The following ATP9A variants were observed in gnomAD, a reference collection of about 807,000 sequenced individuals.
The protein encoded by ATP9A is ATPase phospholipid transporting 9A, also known as probable phospholipid-transporting ATPase IIA.
A neutral mutation model predicts 144.1 loss-of-function variants in ATP9A; 52 were observed. The ratio of observed to expected loss-of-function variants is 0.36; its 90% CI spans 0.29 to 0.45. ATP9A has a LOEUF of 0.45. Ranked by LOEUF, ATP9A falls within the 20% of genes least tolerant of loss-of-function variation. ATP9A has a pLI of 1.00. For synonymous variants in ATP9A, 582 were observed against 557.4 expected (o/e 1.04, Z -0.62); for missense variants, 947 against 1,392.7 (o/e 0.68, Z 5.09).
intron 14 of ATP9A, among the ~76,000 whole-genome samples, chr20:51,647,911 C>T (rs2077348378): frequency 6.6e-6 from 1 of 152,144 alleles, no homozygotes; most frequent in Admixed American, 6.5e-5. Flanking sequence ...CTCAAACAGC[C>T]CCCGCTGTCT....
intron 22 of ATP9A, among the ~76,000 whole-genome samples, chr20:51,616,937 A>G (rs979395265): frequency 8.6e-5 from 12 of 140,102 alleles, no homozygotes; most frequent in African/African-American, 3.3e-4. Flanking sequence ...GAATATAGAG[A>G]AACTTTTTTT....
intron 1 of ATP9A, among the ~76,000 whole-genome samples, chr20:51,760,886 G>C (rs1266292381): frequency 6.6e-6 from 1 of 152,050 alleles, no homozygotes; most frequent in Admixed American, 6.6e-5. Flanking sequence ...AGCTGGGCGT[G>C]GTGGTGGCGC....
At chr20:51,679,780 T>A (rs1261073083) in intron 9 of ATP9A, among the ~76,000 whole-genome samples, 5 of 152,218 alleles carry the variant, frequency 3.3e-5, no homozygotes, top group Non-Finnish European at 1.5e-5. Flanking sequence ...AGGGCTATTC[T>A]GTGACCCCTT....
At chr20:51,663,873 G>A (rs1281637396) in intron 13 of ATP9A, among the ~76,000 whole-genome samples, 5 of 151,558 alleles carry the variant, frequency 3.3e-5, no homozygotes, top group South Asian at 2.1e-4. Context: ...TAAGAAGAAC[G>A]CTCTCTGGCA....
intron 26 of ATP9A, among the ~76,000 whole-genome samples, chr20:51,606,981 A>G (rs2077166108): frequency 6.6e-6 from 1 of 150,708 alleles, no homozygotes; most frequent in Non-Finnish European, 1.5e-5. Context: ...TAGAAATACT[A>G]AAAAAGGATT....
intron 14 of ATP9A, among the ~76,000 whole-genome samples, chr20:51,651,880 G>A (rs949117399): frequency 2.6e-4 from 40 of 152,214 alleles, no homozygotes; most frequent in African/African-American, 9.4e-4. Flanking sequence ...AGTGAGCCAA[G>A]ATCACACCAC....
intron 4 of ATP9A, among the ~76,000 whole-genome samples, chr20:51,698,300 G>C (rs1340929393): frequency 6.6e-6 from 1 of 152,256 alleles, no homozygotes; most frequent in African/African-American, 2.4e-5. Flanking sequence ...GAAGCAGGCA[G>C]ATGGCTTGAG....
Position 51,694,115 on chromosome 20 carries a change from G to T in ATP9A, c.548-13C>A. ...AAGAAGCATGACCCTGTGGAAGGAA[G>T]TCGGGTGCCGTCACCTGCACCTCAA... is the stretch of plus-strand genomic sequence containing the variant. On this transcript the variant is annotated splice_polypyrimidine_tract_variant and intron_variant, in intron 6 of 27. Coordinates refer to ENST00000338821, the MANE Select transcript of ATP9A (RefSeq NM_006045.3). 1 of 1,610,778 alleles carries T rather than the reference G, an allele frequency of 6.2e-7. No homozygotes were observed.
chr20:51,610,429 C>G (rs940268209), intron 23 of ATP9A, among the ~76,000 whole-genome samples: 1 of 152,162 alleles, frequency 6.6e-6, no homozygotes, highest in Non-Finnish European at 1.5e-5. Flanking sequence ...AGTTCCTAAG[C>G]AGCAAATCTA....
intron 14 of ATP9A, among the ~76,000 whole-genome samples, chr20:51,645,373 A>G (rs932968676): frequency 1.3e-5 from 2 of 152,198 alleles, no homozygotes; most frequent in Non-Finnish European, 2.9e-5. Flanking sequence ...TACAAAAATT[A>G]GCAGAGCGTG....
At chr20:51,754,095 C>T (rs920897337) in intron 1 of ATP9A, among the ~76,000 whole-genome samples, 1 of 151,930 alleles carries the variant, frequency 6.6e-6, no homozygotes, top group African/African-American at 2.4e-5. Context: ...CCTGGCCAGG[C>T]CCTGGAGCCT....
chr20:51,764,272 T>C (rs1157868967), intron 1 of ATP9A, among the ~76,000 whole-genome samples: 1 of 152,182 alleles, frequency 6.6e-6, no homozygotes, highest in Non-Finnish European at 1.5e-5. Flanking sequence ...GCGTCCTGGC[T>C]CCTAACAAAT....
chr20:51,604,787 G>A lies in ATP9A; in HGVS notation c.3007+30C>T, dbSNP rs188257615. ...CTGGGCCAGATTCACTGGGGGTGAC[G>A]GACGGGGTTTAAGCATTCAGGGGTC... is the stretch of plus-strand genomic sequence containing the variant. On this transcript the variant is annotated intron_variant, in intron 27 of 27. Transcript: ENST00000338821. 2.4e-4 allele frequency: 343 copies of A among 1,445,846 alleles called. 2 individuals carry two copies. The African/African-American group carries it at 3.2e-3, about 13-fold the overall frequency. The allele number at this position is 1,445,846 out of a possible 1,614,324, so 89.6% of individuals were successfully genotyped here.
chr20:51,757,013 AC>A (rs563634934), intron 1 of ATP9A, among the ~76,000 whole-genome samples: 98 of 151,340 alleles, frequency 6.5e-4, no homozygotes, highest in African/African-American at 2.4e-3. Context: ...AGGGCCATTC[AC>A]CCCCCAGAGG....
chr20:51,764,314 C>T (rs952932463), intron 1 of ATP9A, among the ~76,000 whole-genome samples: 1 of 152,236 alleles, frequency 6.6e-6, no homozygotes, highest in Admixed American at 6.5e-5. Flanking sequence ...AGAGGAGCTC[C>T]ATTCAGCCAT....
intron 19 of ATP9A, among the ~76,000 whole-genome samples, chr20:51,619,395 C>G (rs539720187): frequency 6.6e-6 from 1 of 151,998 alleles, no homozygotes; most frequent in Non-Finnish European, 1.5e-5. Flanking sequence ...GAAACCCACT[C>G]TCTACTAAAA....
At position 51,617,469 on chromosome 20, in the gene ATP9A, A is replaced by G. The variant is rs763416907; in HGVS notation, c.2415+21T>C. 1.1e-5 allele frequency: 17 copies of G among 1,603,580 alleles called. No homozygotes were observed. In the Admixed American group the frequency reaches 2.9e-4, roughly 27 times the overall value. On this transcript the variant is annotated intron_variant, in intron 22 of 27. Transcript: ENST00000338821. ...CAAGAAACTACAGCAAGTGGAGCCG[A>G]GCAGAGGGAAACACTCTCACCTTTC... is the stretch of plus-strand genomic sequence containing the variant.
intron 1 of ATP9A, 149 bp from the exon 2 acceptor site, chr20:51,730,127 C>G: frequency 1.1e-6 from 1 of 939,176 alleles, no homozygotes; most frequent in Non-Finnish European, 1.4e-6. Context: ...TTCAGTGAAA[C>G]AAGAAAACAG....
chr20:51,708,882 G>A (rs1305105701), intron 4 of ATP9A, among the ~76,000 whole-genome samples: 3 of 152,154 alleles, frequency 2.0e-5, no homozygotes, highest in African/African-American at 4.8e-5. Flanking sequence ...AAAGAAAACC[G>A]AGGAGCTCTG....
Sources: gnomAD v4.1 joint callset for allele counts (sites outside exome capture counted in the v4.1 genomes callset) on GRCh38, gnomAD v4.1.1 for gene constraint, MANE v1.5 for transcripts, NCBI Gene and HGNC (gene_info 2026-07-23, HGNC 2026-07-21) for gene names.